Variants in KIAA0040 observed in about 807,000 individuals in gnomAD.
KIAA0040 encodes the protein KIAA0040.
In KIAA0040, 10 loss-of-function variants were observed where a neutral mutation model predicts 7.2. The ratio of observed to expected loss-of-function variants is 1.38; its 90% CI spans 0.85 to 2.34. The LOEUF is 2.34. Ranked by LOEUF, KIAA0040 falls within the 30% of genes most tolerant of loss-of-function variation. KIAA0040 has a pLI of 0.00. For missense variants in KIAA0040, 89 were observed against 108.2 expected, an observed-to-expected ratio of 0.82 and a Z score of 0.79; for synonymous variants, 49 against 40.1, an observed-to-expected ratio of 1.22 and a Z score of -0.84.
chr1:175,172,753 G>A (rs1436263327), intron 2 of KIAA0040, among the ~76,000 whole-genome samples: 4 of 152,350 alleles, frequency 2.6e-5, no homozygotes, highest in African/African-American at 9.6e-5. Context: ...ATCTGGCACA[G>A]GGCCTGGTAG....
At chr1:175,161,616 A>G (rs1383878715) in intron 3 of KIAA0040, among the ~76,000 whole-genome samples, 1 of 152,218 alleles carries the variant, frequency 6.6e-6, no homozygotes, top group Admixed American at 6.5e-5. Flanking sequence ...TTGAAGCTTA[A>G]GCACAAAGTG....
intron 2 of KIAA0040, among the ~76,000 whole-genome samples, chr1:175,172,289 A>G (rs1418461512): frequency 6.6e-6 from 1 of 152,216 alleles, no homozygotes; most frequent in African/African-American, 2.4e-5. Flanking sequence ...TAGCAAGTCA[A>G]CTTCCTCATA....
At chr1:175,164,015 G>A (rs187041482) in intron 3 of KIAA0040, among the ~76,000 whole-genome samples, 1 of 152,300 alleles carries the variant, frequency 6.6e-6, no homozygotes, top group Non-Finnish European at 1.5e-5. Flanking sequence ...TCTAGAACAT[G>A]AGCAGGAGAA....
intron 1 of KIAA0040, among the ~76,000 whole-genome samples, chr1:175,181,779 C>T (rs1213109041): frequency 6.6e-6 from 1 of 152,118 alleles, no homozygotes; most frequent in African/African-American, 2.4e-5. Context: ...TGAGTTGGCA[C>T]CTGCAAGGTG....
Position 175,160,245 on chromosome 1 carries a change from C to T in KIAA0040, c.*469G>A. On this transcript the variant is annotated 3_prime_UTR_variant, in exon 4 of 4. Coordinates refer to ENST00000423313, the MANE Select transcript of KIAA0040 (RefSeq NM_014656.3). The stretch of plus-strand genomic sequence containing the variant: ...TGTGTCTGAATCTGGCAAGGCTTTC[C>T]CATGAGACATTTTTGTGACTGTAGA... 1 of 158,968 alleles carries T rather than the reference C, an allele frequency of 6.3e-6. No homozygotes were observed. The highest frequency in any genetic ancestry group is 1.4e-5 in the Non-Finnish European group (1 of 71,362). The allele number at this position is 158,968 out of a possible 1,614,324, so 9.8% of individuals were successfully genotyped here. A position where few individuals can be genotyped will look rare whatever the true frequency, so the allele number is the denominator to read the frequency against.
Position 175,160,319 on chromosome 1 carries a change from C to A in KIAA0040, c.*395G>T. The A allele has an allele frequency of 5.2e-6, 1 of 194,076 alleles. No homozygotes were observed. The highest frequency in any genetic ancestry group is 1.2e-4 in the South Asian group (1 of 8,110). 12.0% of individuals were successfully genotyped at this position (194,076 alleles called of 1,614,324 possible). On this transcript the variant is annotated 3_prime_UTR_variant, in exon 4 of 4. Coordinates refer to ENST00000423313, the MANE Select transcript of KIAA0040 (RefSeq NM_014656.3). ...ACATAGCCAATGACCATTTGATGAG[C>A]AGAATATACTTGCCCACGTACCTGC...
intron 2 of KIAA0040, among the ~76,000 whole-genome samples, chr1:175,177,037 G>T (rs780516944): frequency 1.3e-5 from 2 of 152,100 alleles, no homozygotes; most frequent in Non-Finnish European, 2.9e-5. Flanking sequence ...CTCCATCCAT[G>T]CCTGGAGACC....
chr1:175,170,224 A>G (rs112412573), intron 2 of KIAA0040, among the ~76,000 whole-genome samples: 2,238 of 152,270 alleles, frequency 0.015, 60 homozygotes, highest in African/African-American at 0.052. Context: ...GTGTGGCTGG[A>G]CCGTGGTGAG....
At chr1:175,183,901 C>T (rs1431080647) in intron 1 of KIAA0040, among the ~76,000 whole-genome samples, 1 of 152,156 alleles carries the variant, frequency 6.6e-6, no homozygotes, top group Non-Finnish European at 1.5e-5. Context: ...TGGAAAATTC[C>T]CCAAAGCCTC....
At chr1:175,191,885 G>A (rs1677881754) in intron 1 of KIAA0040, among the ~76,000 whole-genome samples, 1 of 152,216 alleles carries the variant, frequency 6.6e-6, no homozygotes, top group Admixed American at 6.5e-5. Context: ...GGCTGCCGGT[G>A]TTCTGTTAAA....
intron 1 of KIAA0040, among the ~76,000 whole-genome samples, chr1:175,178,454 T>C (rs1003964002): frequency 1.3e-5 from 2 of 152,354 alleles, no homozygotes; most frequent in East Asian, 1.9e-4. Flanking sequence ...TCTTTATACA[T>C]GAAGAGGCCA....
At chr1:175,162,289 G>C (rs1036233598) in intron 3 of KIAA0040, among the ~76,000 whole-genome samples, 1 of 152,066 alleles carries the variant, frequency 6.6e-6, no homozygotes, top group Non-Finnish European at 1.5e-5. Flanking sequence ...TTTCAGGATG[G>C]ACACTCCAGA....
intron 1 of KIAA0040, among the ~76,000 whole-genome samples, chr1:175,188,446 C>T (rs867654852): frequency 1.4e-4 from 21 of 152,300 alleles, no homozygotes; most frequent in Middle Eastern, 6.8e-3. Flanking sequence ...AAAAGTCTAT[C>T]ATGCTACTGT....
At chr1:175,175,218 A>T (rs1458554131) in intron 2 of KIAA0040, among the ~76,000 whole-genome samples, 2 of 152,248 alleles carry the variant, frequency 1.3e-5, no homozygotes, top group African/African-American at 4.8e-5. Flanking sequence ...AGGGTCTCCC[A>T]CACAGGTAGT....
rs571013080 is a variant in KIAA0040 at position 175,167,426 on chromosome 1, G to A, written c.-309-689C>T. Among the ~76,000 whole-genome samples the A allele has an allele frequency of 3.9e-5, 6 of 152,270 alleles. No individual in the cohort carries two copies. The East Asian group carries it at 1.2e-3, about 29-fold the overall frequency. ...AGATGAACAAATTAGACCCATTGCT[G>A]TCCCTGAAAAGGACCTGAAGGGACA... On this transcript the variant is annotated intron_variant, in intron 2 of 3. Coordinates refer to ENST00000423313, the MANE Select transcript of KIAA0040 (RefSeq NM_014656.3).
chr1:175,183,498 C>T (rs1285048611), intron 1 of KIAA0040, among the ~76,000 whole-genome samples: 1 of 152,184 alleles, frequency 6.6e-6, no homozygotes, highest in East Asian at 1.9e-4. Flanking sequence ...GTTGGGATAG[C>T]AGGGTAGGTC....
At chr1:175,176,668 G>GTTTTTTTT (rs1491339555) in intron 2 of KIAA0040, among the ~76,000 whole-genome samples, 1 of 19,400 alleles carries the variant, frequency 5.2e-5, no homozygotes, top group Admixed American at 1.0e-3. Flanking sequence ...TAAGTAGCAT[G>GTTTTTTTT]CTTTTTTTTT....
At chr1:175,170,135 C>A (rs1481293314) in intron 2 of KIAA0040, among the ~76,000 whole-genome samples, 6 of 152,106 alleles carry the variant, frequency 3.9e-5, no homozygotes, top group Non-Finnish European at 8.8e-5. Flanking sequence ...AAGGGCAGGA[C>A]CTCCGGTAGC....
At chr1:175,164,821 A>G (rs1038076022) in intron 3 of KIAA0040, among the ~76,000 whole-genome samples, 1 of 127,430 alleles carries the variant, frequency 7.8e-6, no homozygotes, top group Non-Finnish European at 1.6e-5. Context: ...TTGCATTATT[A>G]GCATTTCCAG....
Sources: allele counts gnomAD v4.1 joint callset (sites outside exome capture counted in the v4.1 genomes callset), GRCh38; gene constraint gnomAD v4.1.1; transcripts MANE v1.5; gene names NCBI Gene and HGNC (gene_info 2026-07-23, HGNC 2026-07-21).